The following FAM20C variants were observed in gnomAD, a reference collection of about 807,000 sequenced individuals.
FAM20C encodes the protein extracellular serine/threonine protein kinase FAM20C.
In FAM20C, 40 loss-of-function variants were observed where a neutral mutation model predicts 51.5. The observed-to-expected ratio is 0.78, with a 90% CI of 0.60 to 1.01. The LOEUF is 1.01. Ranked by LOEUF, FAM20C falls within the 50% of genes least tolerant of loss-of-function variation. The probability of loss-of-function intolerance (pLI) is 0.00; values close to 1 mark genes in which losing one functional copy is unlikely to be tolerated. For missense variants in FAM20C, 861 were observed against 844.7 expected (o/e 1.02, Z -0.24); for synonymous variants, 406 against 380.6 (o/e 1.07, Z -0.78).
intron 3 of FAM20C, among the ~76,000 whole-genome samples, chr7:214,527 G>C (rs531801485): frequency 2.0e-5 from 3 of 152,342 alleles, no homozygotes; most frequent in East Asian, 1.9e-4. Flanking sequence ...CACTTGGCAC[G>C]GTCAGCGGAA....
chr7:223,839 G>A (rs984374212), intron 3 of FAM20C, among the ~76,000 whole-genome samples: 1 of 149,372 alleles, frequency 6.7e-6, no homozygotes, highest in African/African-American at 2.6e-5. Flanking sequence ...CCTGAAATGA[G>A]CTTTCGAGAG....
At chr7:197,845 G>A (rs1785952384) in intron 2 of FAM20C, among the ~76,000 whole-genome samples, 1 of 152,188 alleles carries the variant, frequency 6.6e-6, no homozygotes, top group Admixed American at 6.5e-5. Flanking sequence ...CTGGGACCTG[G>A]GGCATCTTTG....
intron 1 of FAM20C, 112 bp downstream of exon 1, chr7:193,916 G>A: frequency 3.6e-6 from 5 of 1,393,314 alleles, no homozygotes; most frequent in South Asian, 3.2e-5. Context: ...GGCCGGGCAG[G>A]GAGTGTGGTG....
At position 260,391 on chromosome 7, in the gene FAM20C, C is replaced by G; in HGVS notation, c.*411C>G. The G allele has an allele frequency of 6.3e-6, 1 of 159,324 alleles. No individual in the cohort carries two copies. Among genetic ancestry groups the G allele is most frequent in the Non-Finnish European group, 1.4e-5 (1 of 73,002 alleles). 9.9% of individuals were successfully genotyped at this position (159,324 alleles called of 1,614,324 possible). ...TGGGGGCCCCTCAAGGCCAAGCTCACCCCTCAAGTGCTCTCACACTCGGGA... is the reference window on the plus strand; with the variant it reads ...TGGGGGCCCCTCAAGGCCAAGCTCAGCCCTCAAGTGCTCTCACACTCGGGA... On this transcript the variant is annotated 3_prime_UTR_variant, in exon 10 of 10. Coordinates refer to ENST00000313766, the MANE Select transcript of FAM20C (RefSeq NM_020223.4).
chr7:197,701 C>G (rs1785945427), intron 2 of FAM20C: 1 of 152,244 alleles, frequency 6.6e-6, no homozygotes, highest in Non-Finnish European at 1.5e-5. Context: ...CAAAGGCCAC[C>G]AGGCCCTTGG....
chr7:204,432 A>G (rs1786259072), intron 2 of FAM20C, among the ~76,000 whole-genome samples: 1 of 152,264 alleles, frequency 6.6e-6, no homozygotes, highest in Admixed American at 6.5e-5. Context: ...GCCCAGCCCC[A>G]GTCTTGACCA....
At chr7:235,791 T>C (rs1787831240) in intron 3 of FAM20C, among the ~76,000 whole-genome samples, 1 of 152,162 alleles carries the variant, frequency 6.6e-6, no homozygotes, top group African/African-American at 2.4e-5. Context: ...GCTGGTAGTC[T>C]CCTGGCAGGC....
chr7:217,431 T>TAGGGTAGAGCTGCACTTG (rs1308189226), intron 3 of FAM20C, among the ~76,000 whole-genome samples: 1 of 13,358 alleles, frequency 7.5e-5, no homozygotes, highest in Admixed American at 4.7e-4. Context: ...GAGCTGCATT[T>TAGGGTAGAGCTGCACTTG]GGCTGTTTGT....
intron 6 of FAM20C, 25 bp downstream of exon 6, chr7:256,054 C>T (rs1006617471): frequency 2.4e-5 from 36 of 1,530,488 alleles, no homozygotes; most frequent in Non-Finnish European, 3.0e-5. Context: ...GGGGGGCTGG[C>T]GTCCGGCCAC....
chr7:249,705 A>C (rs1433696944), intron 5 of FAM20C, among the ~76,000 whole-genome samples: 1 of 152,106 alleles, frequency 6.6e-6, no homozygotes, highest in Non-Finnish European at 1.5e-5. Flanking sequence ...GCACCACTGC[A>C]CTCCAGCCTG....
chr7:198,101 C>A (rs1320410604), intron 2 of FAM20C, among the ~76,000 whole-genome samples: 1 of 152,206 alleles, frequency 6.6e-6, no homozygotes, highest in Non-Finnish European at 1.5e-5. Flanking sequence ...GCCTCCTAGA[C>A]CATGCTGGCC....
intron 1 of FAM20C, 130 bp from the exon 2 acceptor site, chr7:195,424 G>A: frequency 1.2e-6 from 1 of 839,920 alleles, no homozygotes; most frequent in Non-Finnish European, 1.7e-6. Flanking sequence ...TTTAAGCAGA[G>A]GCGCCTTCAA....
chr7:241,481 C>T (rs1787944507), intron 3 of FAM20C, among the ~76,000 whole-genome samples: 1 of 152,114 alleles, frequency 6.6e-6, no homozygotes, highest in Non-Finnish European at 1.5e-5. Flanking sequence ...AAGGCTGTGC[C>T]AGGGAAAGAT....
At chr7:258,072 G>A (rs370755195) in intron 8 of FAM20C, among the ~76,000 whole-genome samples, 205 of 110,580 alleles carry the variant, frequency 1.9e-3, no homozygotes, top group African/African-American at 4.3e-3. Context: ...CCACTGCCTG[G>A]GGTGCTGGAG....
At chr7:256,549 G>A (rs1231221462) in intron 6 of FAM20C, 105 bp from the exon 7 acceptor site, 1 of 941,658 alleles carries the variant, frequency 1.1e-6, no homozygotes, top group Non-Finnish European at 1.6e-6. Flanking sequence ...TCCATCTGCA[G>A]ACGCCAAGGT....
intron 5 of FAM20C, among the ~76,000 whole-genome samples, chr7:254,117 C>G (rs901691964): frequency 5.3e-5 from 8 of 152,132 alleles, no homozygotes; most frequent in African/African-American, 1.9e-4. Flanking sequence ...ACCAGACCAG[C>G]CGGGACCTGC....
rs1214162918 is a variant in FAM20C at position 260,029 on chromosome 7, C to T, written c.*49C>T. On this transcript the variant is annotated 3_prime_UTR_variant, in exon 10 of 10. Coordinates refer to ENST00000313766, the MANE Select transcript of FAM20C (RefSeq NM_020223.4). ...CGGGACGGAGACAGAGGCGCCGGAC[C>T]TCCCAGCAAGCGCATGCGCCCGTCG... is the stretch of plus-strand genomic sequence containing the variant. 2 of 1,454,024 alleles carry T rather than the reference C, an allele frequency of 1.4e-6. No individual in the cohort carries two copies. The highest frequency in any genetic ancestry group is 2.3e-4 in the Middle Eastern group (1 of 4,310). 90.1% of individuals were successfully genotyped at this position (1,454,024 alleles called of 1,614,324 possible).
chr7:209,472 T>C (rs1562370845), intron 3 of FAM20C, among the ~76,000 whole-genome samples: 1 of 152,234 alleles, frequency 6.6e-6, no homozygotes, highest in African/African-American at 2.4e-5. Context: ...GGCTGAGTTC[T>C]AATAAGTCTT....
At chr7:252,831 A>T (rs929439616) in intron 5 of FAM20C, among the ~76,000 whole-genome samples, 8 of 152,232 alleles carry the variant, frequency 5.3e-5, no homozygotes, top group Non-Finnish European at 7.3e-5. Context: ...CAGAGCCCAC[A>T]TCTTCTAAGC....
Sources: gnomAD v4.1 joint callset for allele counts (sites outside exome capture counted in the v4.1 genomes callset) on GRCh38, gnomAD v4.1.1 for gene constraint, MANE v1.5 for transcripts, NCBI Gene and HGNC (gene_info 2026-07-23, HGNC 2026-07-21) for gene names.